Variants in RPH3AL observed in about 807,000 individuals in gnomAD.
RPH3AL encodes the protein rabphilin 3A like (without C2 domains), also known as rab effector Noc2.
A neutral mutation model predicts 43.1 loss-of-function variants in RPH3AL; 38 were observed. The ratio of observed to expected loss-of-function variants is 0.88; its 90% confidence interval spans 0.68 to 1.15. The LOEUF is 1.15. RPH3AL is among the 50% of genes most tolerant of loss of function. RPH3AL has a pLI of 0.00. For synonymous variants in RPH3AL, 189 were observed against 176.3 expected, an observed-to-expected ratio of 1.07 and a Z score of -0.57; for missense variants, 462 against 423.2, an observed-to-expected ratio of 1.09 and a Z score of -0.81.
chr17:250,695 A>G (rs1447693145), intron 6 of RPH3AL, among the ~76,000 whole-genome samples: 9 of 129,592 alleles, frequency 6.9e-5, no homozygotes, highest in East Asian at 2.6e-4. Flanking sequence ...AAGCTCCGCC[A>G]CTGCGGGACC....
intron 4 of RPH3AL, among the ~76,000 whole-genome samples, chr17:320,791 A>T (rs2044446553): frequency 6.6e-6 from 1 of 152,252 alleles, no homozygotes; most frequent in South Asian, 2.1e-4. Flanking sequence ...TCGTAATTAA[A>T]CACTGGACAC....
chr17:319,396 G>A (rs1442352406), intron 5 of RPH3AL, 24 bp downstream of exon 5: 1 of 1,607,672 alleles, frequency 6.2e-7, no homozygotes, highest in African/African-American at 1.3e-5. Context: ...AAGCCAGAAT[G>A]ACAGGGCCAG....
At chr17:334,976 C>T (rs1162269891) in intron 1 of RPH3AL, among the ~76,000 whole-genome samples, 2 of 152,212 alleles carry the variant, frequency 1.3e-5, no homozygotes, top group Non-Finnish European at 2.9e-5. Context: ...ATTTTCACCT[C>T]TTCGATCTTG....
At chr17:269,068 C>A (rs556786319) in intron 6 of RPH3AL, among the ~76,000 whole-genome samples, 1 of 152,064 alleles carries the variant, frequency 6.6e-6, no homozygotes, top group Non-Finnish European at 1.5e-5. Context: ...TTAGTAGAGA[C>A]GGGGTTTCAC....
At chr17:339,831 A>G (rs2045064552) in intron 1 of RPH3AL, among the ~76,000 whole-genome samples, 1 of 152,172 alleles carries the variant, frequency 6.6e-6, no homozygotes, top group Non-Finnish European at 1.5e-5. Context: ...CAGAAACTGT[A>G]AGTCGCGCAG....
chr17:332,707 G>A lies in RPH3AL; in HGVS notation c.-37+1052C>T, dbSNP rs1180998627. 7.4e-5 allele frequency: 19 copies of A among 258,448 alleles called. No individual in the cohort carries two copies. The Admixed American group carries it at 8.5e-4, about 12-fold the overall frequency. 16.0% of individuals were successfully genotyped at this position (258,448 alleles called of 1,614,324 possible). A position where few individuals can be genotyped will look rare whatever the true frequency, so the allele number is the denominator to read the frequency against. Reference sequence around the variant, plus strand: ...GTTTGTCCCTCAAGATTCCCCACGGGGTAGTCGGCCTCAAGGCAGCTCCAC... The same window carrying A: ...GTTTGTCCCTCAAGATTCCCCACGGAGTAGTCGGCCTCAAGGCAGCTCCAC... On this transcript the variant is annotated intron_variant, in intron 2 of 9. Transcript: ENST00000331302.
At chr17:256,989 AGCCGCACGGC>A (rs2042063923) in intron 6 of RPH3AL, among the ~76,000 whole-genome samples, 2 of 2,146 alleles carry the variant, frequency 9.3e-4, no homozygotes, top group Non-Finnish European at 1.6e-3. Flanking sequence ...CTATGAGGGG[AGCCGCACGGC>A]GTCTGTCCTT....
chr17:233,371 G>C (rs943949814), intron 7 of RPH3AL, among the ~76,000 whole-genome samples: 3 of 152,154 alleles, frequency 2.0e-5, no homozygotes, highest in Admixed American at 2.0e-4. Context: ...CCAACACCTA[G>C]AGAGGAAAAA....
In RPH3AL at chr17:289,612, C is replaced by T. The variant is rs2151619697; in HGVS notation, c.352-7758G>A. 6.6e-6 allele frequency among the ~76,000 whole-genome samples: 1 copy of T among 152,278 alleles called. No homozygotes were observed. Among genetic ancestry groups the T allele is most frequent in the Middle Eastern group, 3.4e-3 (1 of 294 alleles). On this transcript the variant is annotated intron_variant, in intron 5 of 9. Transcript: ENST00000331302. The surrounding 1 kb of genome is among the most constrained non-coding windows in gnomAD (Gnocchi z 5.2). The stretch of plus-strand genomic sequence containing the variant: ...CCAACTTAAAAGCCATCAGAGGCTT[C>T]CCGCTGCTCTGGGGTGACCACCGCC...
intron 6 of RPH3AL, among the ~76,000 whole-genome samples, chr17:257,862 CCGCACGG>C (rs2042094967): frequency 1.2e-4 from 2 of 16,334 alleles, no homozygotes; most frequent in East Asian, 7.9e-4. Context: ...ATGAGGGGAG[CCGCACGG>C]TGTCTGTCCT....
rs2042614848 is a variant in RPH3AL, at chr17:274,807, T to A, written c.438+6961A>T. 6.6e-6 allele frequency among the ~76,000 whole-genome samples: 1 copy of A among 151,996 alleles called. No homozygotes were observed. Among genetic ancestry groups the A allele is most frequent in the Non-Finnish European group, 1.5e-5 (1 of 68,004 alleles). On this transcript the variant is annotated intron_variant, in intron 6 of 9. Coordinates refer to ENST00000331302, the MANE Select transcript of RPH3AL (RefSeq NM_006987.4). This position sits in a 1 kb window ranked among gnomAD's most constrained non-coding sequence, Gnocchi z 4.7. ...AAACCTCCAAAGTGTTTAGTGCAGGTGAATGTGGCATGCTAGGGCTCAGGA... is the reference window on the plus strand; with the variant it reads ...AAACCTCCAAAGTGTTTAGTGCAGGAGAATGTGGCATGCTAGGGCTCAGGA...
In RPH3AL at chr17:215,524, G is replaced by T. The variant is rs933833008; in HGVS notation, c.876+130C>A. 2.2e-5 allele frequency: 19 copies of T among 871,356 alleles called. No homozygotes were observed. The highest frequency in any genetic ancestry group is 7.0e-5 in the African/African-American group (4 of 57,322). 54.0% of individuals were successfully genotyped at this position (871,356 alleles called of 1,614,324 possible). The stretch of plus-strand genomic sequence containing the variant: ...GGGGTCTGGCTCACCTTGTTCCCCC[G>T]CACAGTGCTTGGTAAACAACATGCA... On this transcript the variant is annotated intron_variant, in intron 9 of 9. Coordinates refer to ENST00000331302, the MANE Select transcript of RPH3AL (RefSeq NM_006987.4). The surrounding 1 kb of genome is among the most constrained non-coding windows in gnomAD (Gnocchi z 4.1).
intron 5 of RPH3AL, among the ~76,000 whole-genome samples, chr17:309,216 G>A (rs569587448): frequency 6.6e-6 from 1 of 152,186 alleles, no homozygotes; most frequent in African/African-American, 2.4e-5. Flanking sequence ...GATCGATTGA[G>A]CCCAGGAGTT....
chr17:345,162 C>T (rs1319784586), intron 1 of RPH3AL, among the ~76,000 whole-genome samples: 1 of 135,298 alleles, frequency 7.4e-6, no homozygotes, highest in Admixed American at 7.1e-5. Context: ...ACCTGTAATC[C>T]CAGCTACTTG....
At chr17:321,829 G>A (rs774557913) in intron 3 of RPH3AL, among the ~76,000 whole-genome samples, 12 of 152,120 alleles carry the variant, frequency 7.9e-5, no homozygotes, top group Non-Finnish European at 1.8e-4. Context: ...TGGCAAAGAC[G>A]GCAGCACCAC....
intron 3 of RPH3AL, chr17:321,751 C>T (rs1206856881): frequency 1.8e-5 from 5 of 280,106 alleles, no homozygotes; most frequent in East Asian, 1.3e-4. Flanking sequence ...GCAAGGCACG[C>T]GGGCAACAGA....
intron 1 of RPH3AL, among the ~76,000 whole-genome samples, chr17:345,299 G>GT (rs2045215337): frequency 7.4e-6 from 1 of 134,972 alleles, no homozygotes; most frequent in Non-Finnish European, 1.7e-5. Flanking sequence ...CAAACAAACA[G>GT]AACACCCTAA....
In RPH3AL at chr17:289,214, C is replaced by T. The variant is rs1162634506; in HGVS notation, c.352-7360G>A. On this transcript the variant is annotated intron_variant, in intron 5 of 9. Coordinates refer to ENST00000331302, the MANE Select transcript of RPH3AL (RefSeq NM_006987.4). This position sits in a 1 kb window ranked among gnomAD's most constrained non-coding sequence, Gnocchi z 5.2. ...TTGCAGATGAGGGGATCAAGGGAGA[C>T]GGTCATGAAAGTGCTCAGCACCATA... Among the ~76,000 whole-genome samples, 1 of 152,042 alleles carries T rather than the reference C, an allele frequency of 6.6e-6. No homozygotes were observed. The highest frequency in any genetic ancestry group is 1.5e-5 in the Non-Finnish European group (1 of 68,006).
chr17:338,137 C>T (rs745556625), intron 1 of RPH3AL, among the ~76,000 whole-genome samples: 3 of 152,168 alleles, frequency 2.0e-5, no homozygotes, highest in Non-Finnish European at 4.4e-5. Flanking sequence ...ACTGCTGTAT[C>T]AAGGCAGTCA....
Sources: allele counts gnomAD v4.1 joint callset (sites outside exome capture counted in the v4.1 genomes callset), GRCh38; gene constraint gnomAD v4.1.1; non-coding constraint Gnocchi (gnomAD v3.1); transcripts MANE v1.5; gene names NCBI Gene and HGNC (gene_info 2026-07-23, HGNC 2026-07-21).